The following RAD21 variants were observed in gnomAD, a reference collection of about 807,000 sequenced individuals.
The protein encoded by RAD21 is RAD21 cohesin complex component, also known as double-strand-break repair protein rad21 homolog.
A neutral mutation model predicts 71.5 loss-of-function variants in RAD21; 18 were observed. The ratio of observed to expected loss-of-function variants is 0.25; its 90% CI spans 0.17 to 0.37. The LOEUF (loss-of-function observed/expected upper bound fraction) is 0.37. Ranked by LOEUF, RAD21 falls within the 10% of genes least tolerant of loss-of-function variation. The probability of loss-of-function intolerance (pLI) is 1.00; values close to 1 mark genes in which losing one functional copy is unlikely to be tolerated. For missense variants in RAD21, 493 were observed against 769.1 expected (o/e 0.64, Z 4.25); for synonymous variants, 248 against 254.0 (o/e 0.98, Z 0.22).
At chr8:116,872,716 A>T (rs774665171) in intron 1 of RAD21, among the ~76,000 whole-genome samples, 1 of 152,230 alleles carries the variant, frequency 6.6e-6, no homozygotes, top group Middle Eastern at 3.2e-3. Flanking sequence ...GAAAACCTGA[A>T]AGGTTGAAAT....
intron 1 of RAD21, among the ~76,000 whole-genome samples, chr8:116,870,043 C>A (rs886707715): frequency 1.7e-4 from 26 of 152,146 alleles, no homozygotes; most frequent in African/African-American, 6.3e-4. Flanking sequence ...AAGACTACTG[C>A]AGTCAGGTTT....
intron 2 of RAD21, among the ~76,000 whole-genome samples, chr8:116,864,676 C>G (rs1008433580): frequency 5.3e-5 from 8 of 151,916 alleles, no homozygotes; most frequent in Non-Finnish European, 1.2e-4. Flanking sequence ...CACCTAAGAA[C>G]AAAGGAGGGA....
Position 116,874,725 on chromosome 8 carries a change from C to T in RAD21, c.-147G>A, listed in dbSNP as rs987592569. 1.3e-5 allele frequency: 6 copies of T among 451,318 alleles called. No homozygotes were observed. Among genetic ancestry groups the T allele is most frequent in the Admixed American group, 1.2e-4 (5 of 42,004 alleles). 28.0% of individuals were successfully genotyped at this position (451,318 alleles called of 1,614,324 possible). On this transcript the variant is annotated 5_prime_UTR_variant, in exon 1 of 14. Coordinates refer to ENST00000297338, the MANE Select transcript of RAD21 (RefSeq NM_006265.3). ...CGAGGTGTAGCTTCCGAGCAGCTCC[C>T]GCCGCCGCCACAGCCGGCGCCTCCT...
At chr8:116,848,517 T>A (rs946842646) in intron 13 of RAD21, among the ~76,000 whole-genome samples, 1 of 152,182 alleles carries the variant, frequency 6.6e-6, no homozygotes, top group Non-Finnish European at 1.5e-5. Flanking sequence ...ATCCTGTCTA[T>A]GTCTAGGACA....
intron 9 of RAD21, among the ~76,000 whole-genome samples, chr8:116,852,973 T>C (rs1053747117): frequency 2.0e-5 from 3 of 152,228 alleles, no homozygotes; most frequent in Non-Finnish European, 4.4e-5. Flanking sequence ...CTGCCTGCAG[T>C]TTATTTTCAT....
At chr8:116,850,581 T>C (rs1563687825) in intron 12 of RAD21, 37 bp downstream of exon 12, 1 of 1,595,510 alleles carries the variant, frequency 6.3e-7, no homozygotes, top group East Asian at 2.2e-5. Context: ...TTGGAGGTTT[T>C]TGCTAAATCT....
intron 2 of RAD21, among the ~76,000 whole-genome samples, chr8:116,864,405 G>A (rs1812650164): frequency 6.6e-6 from 1 of 152,026 alleles, no homozygotes; most frequent in South Asian, 2.1e-4. Context: ...ATTTTCTACA[G>A]CACTCTAGGA....
intron 8 of RAD21, among the ~76,000 whole-genome samples, chr8:116,855,891 C>T (rs1036180086): frequency 1.3e-5 from 2 of 152,172 alleles, no homozygotes; most frequent in South Asian, 2.1e-4. Flanking sequence ...TTGTTCTATA[C>T]TTTTGTATTT....
At position 116,857,319 on chromosome 8, in the gene RAD21, T is replaced by G. The variant is rs1812490472; in HGVS notation, c.636A>C (p.Glu212Asp). Residue 212 changes from glutamate to aspartate, a missense_variant, in exon 6 of 14, where the codon GAA becomes GAC. Physicochemically the swap from Glu to Asp is conservative, Grantham distance 45. Around this residue, in one of 5 missense-constraint regions of RAD21, gnomAD observed 165 missense variants for 229.6 expected, o/e 0.72. Coordinates refer to ENST00000297338, the MANE Select transcript of RAD21 (RefSeq NM_006265.3). ...LNEKINHLEYEDQYKDDNFGE... is the reference protein window; with the variant it reads ...LNEKINHLEYDDQYKDDNFGE... ...CAAAATTATCATCCTTATATTGATC[T>G]TCATATTCTAAATGGTTAATTTTCT... The G allele has an allele frequency of 6.2e-7, 1 of 1,611,490 alleles. No individual in the cohort carries two copies. The highest frequency in any genetic ancestry group is 8.5e-7 in the Non-Finnish European group (1 of 1,179,262).
chr8:116,850,846 C>A, intron 11 of RAD21, 79 bp from the exon 12 acceptor site: 2 of 986,740 alleles, frequency 2.0e-6, no homozygotes, highest in Middle Eastern at 2.8e-4. Flanking sequence ...TACACAGTGG[C>A]TGAAGTTTTC....
At chr8:116,862,976 C>T in intron 3 of RAD21, 154 bp downstream of exon 3, 1 of 966,304 alleles carries the variant, frequency 1.0e-6, no homozygotes, top group Non-Finnish European at 1.5e-6. Flanking sequence ...AGCACTGCCT[C>T]CCCAAGCCTT....
chr8:116,852,170 A>C, intron 10 of RAD21, 74 bp from the exon 11 acceptor site: 1 of 1,298,328 alleles, frequency 7.7e-7, no homozygotes. Flanking sequence ...TTTATTTTTT[A>C]AACTAGTACA....
At chr8:116,869,921 A>G (rs1236514942) in intron 1 of RAD21, among the ~76,000 whole-genome samples, 4 of 152,212 alleles carry the variant, frequency 2.6e-5, no homozygotes, top group South Asian at 2.1e-4. Flanking sequence ...TCAATTAAAA[A>G]TGTGCCAATT....
chr8:116,866,360 A>T (rs1352099449), intron 2 of RAD21, among the ~76,000 whole-genome samples: 1 of 152,102 alleles, frequency 6.6e-6, no homozygotes. Context: ...TGCCATTAAA[A>T]ATAGGCAAAT....
chr8:116,848,871 A>T (rs542040392), intron 13 of RAD21, 75 bp downstream of exon 13: 1 of 1,214,252 alleles, frequency 8.2e-7, no homozygotes, highest in African/African-American at 1.6e-5. Flanking sequence ...TCCAGCATCT[A>T]ACTTTTTTTT....
At chr8:116,865,233 T>C (rs1475637965) in intron 2 of RAD21, among the ~76,000 whole-genome samples, 1 of 152,132 alleles carries the variant, frequency 6.6e-6, no homozygotes, top group African/African-American at 2.4e-5. Context: ...GTGTATATGT[T>C]CAATTATCAG....
chr8:116,848,587 T>C (rs1169658199), intron 13 of RAD21, among the ~76,000 whole-genome samples: 1 of 152,090 alleles, frequency 6.6e-6, no homozygotes, highest in African/African-American at 2.4e-5. Flanking sequence ...ATTTAATGAT[T>C]CAGCACATTA....
chr8:116,874,396 G>C (rs1453477388), intron 1 of RAD21: 1 of 186,996 alleles, frequency 5.3e-6, no homozygotes, highest in African/African-American at 2.4e-5. Flanking sequence ...AAGCTGCATG[G>C]GTCCGGGCCG....
In RAD21 at chr8:116,849,076, A is replaced by G. The variant is rs1241291392; in HGVS notation, c.1621-47T>C. On this transcript the variant is annotated intron_variant, in intron 12 of 13. Coordinates refer to ENST00000297338, the MANE Select transcript of RAD21 (RefSeq NM_006265.3). ...AAAGCTGACAAAACAAGTCCAATGA[A>G]AAATGAAGTATTTCTACATCTCCTA... 2.1e-6 allele frequency: 3 copies of G among 1,410,240 alleles called. 1 individual carries two copies. In the South Asian group the frequency reaches 4.3e-5, roughly 20 times the overall value. 87.4% of individuals were successfully genotyped at this position (1,410,240 alleles called of 1,614,324 possible).
Sources: allele counts gnomAD v4.1 joint callset (sites outside exome capture counted in the v4.1 genomes callset), GRCh38; gene constraint gnomAD v4.1.1; regional missense constraint gnomAD v4.1.1; transcripts MANE v1.5; gene names NCBI Gene and HGNC (gene_info 2026-07-23, HGNC 2026-07-21).